Variants in TUBB3 observed in about 807,000 individuals in gnomAD.
TUBB3 encodes the protein tubulin beta 3 class III, also known as tubulin beta-3 chain.
A neutral mutation model predicts 37.8 loss-of-function variants in TUBB3; 17 were observed. The ratio of observed to expected loss-of-function variants is 0.45; its 90% CI spans 0.31 to 0.67. The LOEUF (loss-of-function observed/expected upper bound fraction) is 0.67, where lower values mean the gene tolerates loss of function less well. TUBB3 is among the 30% of genes least tolerant of loss of function. The pLI, the probability that TUBB3 is intolerant of heterozygous loss-of-function variation, is 0.07. For missense variants in TUBB3, 262 were observed against 657.9 expected (o/e 0.40, Z 6.58); for synonymous variants, 332 against 278.9 (o/e 1.19, Z -1.90).
intron 1 of TUBB3, among the ~76,000 whole-genome samples, chr16:89,928,819 C>T (rs867691979): frequency 1.3e-5 from 2 of 150,250 alleles, no homozygotes; most frequent in South Asian, 2.1e-4. Flanking sequence ...TGAGCCACTG[C>T]GTCTGGCCTA....
intron 1 of TUBB3, among the ~76,000 whole-genome samples, chr16:89,930,026 TC>T (rs1250822903): frequency 4.2e-5 from 4 of 95,188 alleles, no homozygotes; most frequent in African/African-American, 1.0e-4. Flanking sequence ...CTTCCTTCCT[TC>T]CTTCCTTCCT....
rs773522582 is a variant in TUBB3, at chr16:89,932,761, G to A, written c.166+82G>A. 2.4e-4 allele frequency: 271 copies of A among 1,135,130 alleles called. 1 individual carries two copies. The highest frequency in any genetic ancestry group is 3.4e-4 in the Non-Finnish European group (258 of 765,922). 70.3% of individuals were successfully genotyped at this position (1,135,130 alleles called of 1,614,324 possible). A position where few individuals can be genotyped will look rare whatever the true frequency, so the allele number is the denominator to read the frequency against. On this transcript the variant is annotated intron_variant, in intron 2 of 3. Transcript: ENST00000315491. ...CTGACTGACCAGGTCTCAGCACCTG[G>A]ACTCACCAGCTCTCAGCATCTCTGT...
At chr16:89,928,739 T>A (rs2030175374) in intron 1 of TUBB3, among the ~76,000 whole-genome samples, 1 of 151,978 alleles carries the variant, frequency 6.6e-6, no homozygotes, top group South Asian at 2.1e-4. Flanking sequence ...CCAGCCAGGA[T>A]GGTCTCGATC....
At chr16:89,928,953 C>T (rs1374725456) in intron 1 of TUBB3, among the ~76,000 whole-genome samples, 18 of 150,752 alleles carry the variant, frequency 1.2e-4, no homozygotes, top group Non-Finnish European at 1.9e-4. Context: ...TGAGCCACCG[C>T]GCCCGGCCTT....
intron 2 of TUBB3, chr16:89,932,925 C>T (rs568280021): frequency 1.1e-5 from 6 of 560,630 alleles, no homozygotes; most frequent in Admixed American, 2.9e-5. Context: ...TGTGCGTGTC[C>T]AGGGGCACAG....
chr16:89,932,433 C>A, intron 1 of TUBB3, 138 bp from the exon 2 acceptor site: 1 of 706,368 alleles, frequency 1.4e-6, no homozygotes, highest in Non-Finnish European at 2.6e-6. Flanking sequence ...GTGTGGGGCT[C>A]TCTTCTGAAT....
At chr16:89,931,375 C>G (rs1479234239) in intron 1 of TUBB3, among the ~76,000 whole-genome samples, 2 of 152,254 alleles carry the variant, frequency 1.3e-5, no homozygotes, top group East Asian at 3.9e-4. Context: ...CTAAAAGTCA[C>G]TCCTGAGGAG....
chr16:89,934,638 A>T, intron 3 of TUBB3, 91 bp from the exon 4 acceptor site: 1 of 1,293,036 alleles, frequency 7.7e-7, no homozygotes, highest in Non-Finnish European at 1.1e-6. Flanking sequence ...TGGGGCTGCC[A>T]CGGCTGCCCT....
At chr16:89,931,007 T>G (rs1390224480) in intron 1 of TUBB3, among the ~76,000 whole-genome samples, 1 of 152,056 alleles carries the variant, frequency 6.6e-6, no homozygotes, top group African/African-American at 2.4e-5. Flanking sequence ...TTTTGTATCT[T>G]TAGTAGAGAC....
chr16:89,935,007 A>C lies in TUBB3; in HGVS notation c.556A>C (p.Thr186Pro). 1 of 1,614,146 alleles carries C rather than the reference A, an allele frequency of 6.2e-7. No individual in the cohort carries two copies. Among genetic ancestry groups the C allele is most frequent in the Non-Finnish European group, 8.5e-7 (1 of 1,180,016 alleles). ...CACGGTGGTGGAGCCCTACAACGCC[A>C]CGCTGTCCATCCACCAGCTGGTGGA... ...SDTVVEPYNA[T>P]LSIHQLVENT... Residue 186 changes from threonine to proline, a missense_variant, in exon 4 of 4, where the codon ACG (threonine) becomes CCG (proline). Physicochemically the swap from Thr to Pro is conservative, Grantham distance 38. Around this residue, in one of 3 missense-constraint regions of TUBB3, gnomAD observed 165 missense variants for 556.8 expected, o/e 0.30. Coordinates refer to ENST00000315491, the MANE Select transcript of TUBB3 (RefSeq NM_006086.4).
chr16:89,922,968 C>T (rs868613975), upstream of TUBB3, among the ~76,000 whole-genome samples: 3 of 152,370 alleles, frequency 2.0e-5, no homozygotes, highest in South Asian at 6.2e-4. Context: ...GGAAAAAAGA[C>T]CCTCCGTACA....
Position 89,935,608 on chromosome 16 carries a change from C to T in TUBB3, c.1157C>T (p.Thr386Met), listed in dbSNP as rs2151093088. 3 of 1,613,906 alleles carry T rather than the reference C, an allele frequency of 1.9e-6. No homozygotes were observed. The highest frequency in any genetic ancestry group is 2.5e-6 in the Non-Finnish European group (3 of 1,179,972). Residue 386 changes from threonine to methionine, a missense_variant, in exon 4 of 4, where the codon ACG becomes ATG. Coordinates refer to ENST00000315491, the MANE Select transcript of TUBB3 (RefSeq NM_006086.4). Reference protein sequence around the residue: ...ELFKRISEQFTAMFRRKAFLH... With the variant: ...ELFKRISEQFMAMFRRKAFLH... The stretch of plus-strand genomic sequence containing the variant: ...TTCAAGCGCATCTCCGAGCAGTTCA[C>T]GGCCATGTTCCGGCGCAAGGCCTTC...
At chr16:89,923,260 C>T (rs2029948212), upstream of TUBB3, 3 of 521,604 alleles carry the variant, frequency 5.8e-6, no homozygotes, top group Non-Finnish European at 5.6e-6. Context: ...GCGGCGCCTC[C>T]CGATTGGCCA....
At chr16:89,927,269 C>T (rs1049741393) in intron 1 of TUBB3, among the ~76,000 whole-genome samples, 2 of 151,694 alleles carry the variant, frequency 1.3e-5, no homozygotes, top group Admixed American at 6.6e-5. Flanking sequence ...CCTGTGGTCC[C>T]AGCTACTTGG....
rs565948203 is a variant in TUBB3 at position 89,935,889 on chromosome 16, G to T, written c.*85G>T. The T allele has an allele frequency of 2.0e-6, 3 of 1,483,028 alleles. No homozygotes were observed. In the African/African-American group the frequency reaches 4.2e-5, roughly 21 times the overall value. 91.9% of individuals were successfully genotyped at this position (1,483,028 alleles called of 1,614,324 possible). On this transcript the variant is annotated 3_prime_UTR_variant, in exon 4 of 4. Transcript: ENST00000315491. ...AAACCCCCGGAGCCATCTTGCTGCC[G>T]ACACCCTGCTTTCCCCTCGCCCTAG...
At chr16:89,923,572 A>G in intron 1 of TUBB3, 114 bp downstream of exon 1, 1 of 1,056,220 alleles carries the variant, frequency 9.5e-7, no homozygotes, top group Non-Finnish European at 1.2e-6. Context: ...CAACAAAGGG[A>G]TGCGCCCAGC....
intron 1 of TUBB3, among the ~76,000 whole-genome samples, chr16:89,926,155 G>A (rs1047212896): frequency 6.6e-6 from 1 of 152,214 alleles, no homozygotes; most frequent in Non-Finnish European, 1.5e-5. Context: ...TGCTTTCCTG[G>A]GGCCTGTGCT....
chr16:89,935,329 T>A lies in TUBB3; in HGVS notation c.878T>A (p.Met293Lys). 1 of 1,613,910 alleles carries A rather than the reference T, an allele frequency of 6.2e-7. No homozygotes were observed. The change falls in exon 4 of 4, where the codon ATG becomes AAG. Residue 293 changes from methionine to lysine, a missense_variant. By Grantham distance (95) the Met-to-Lys change is moderately conservative. Around this residue, in one of 3 missense-constraint regions of TUBB3, gnomAD observed 165 missense variants for 556.8 expected, o/e 0.30. Coordinates refer to ENST00000315491, the MANE Select transcript of TUBB3 (RefSeq NM_006086.4). ...ACCGTGCCCGAGCTCACCCAGCAGA[T>A]GTTCGATGCCAAGAACATGATGGCC... ...ALTVPELTQQMFDAKNMMAAC... is the reference protein window; with the variant it reads ...ALTVPELTQQKFDAKNMMAAC...
intron 1 of TUBB3, among the ~76,000 whole-genome samples, chr16:89,930,764 T>A (rs2030252707): frequency 6.6e-6 from 1 of 152,078 alleles, no homozygotes; most frequent in Non-Finnish European, 1.5e-5. Context: ...CTTCTCATGC[T>A]TGCTACCACC....
Sources: gnomAD v4.1 joint callset for allele counts (sites outside exome capture counted in the v4.1 genomes callset) on GRCh38, gnomAD v4.1.1 for gene constraint, gnomAD v4.1.1 regional missense constraint, MANE v1.5 for transcripts, NCBI Gene and HGNC (gene_info 2026-07-23, HGNC 2026-07-21) for gene names.